MAPT: variants seen among roughly 807,000 people sequenced by gnomAD.
MAPT encodes the protein microtubule associated protein tau, also known as microtubule-associated protein tau.
In MAPT, 34 loss-of-function variants were observed where a neutral mutation model predicts 67.9. The ratio of observed to expected loss-of-function variants is 0.50; its 90% CI spans 0.38 to 0.67. The LOEUF is 0.67. Ranked by LOEUF, MAPT falls within the 30% of genes least tolerant of loss-of-function variation. The probability of loss-of-function intolerance (pLI) is 0.00; values close to 1 mark genes in which losing one functional copy is unlikely to be tolerated. For synonymous variants in MAPT, 456 were observed against 464.5 expected (o/e 0.98, Z 0.23); for missense variants, 881 against 1,115.2 (o/e 0.79, Z 2.99).
intron 1 of MAPT, among the ~76,000 whole-genome samples, chr17:45,955,721 A>G (rs1047841066): frequency 1.5e-5 from 2 of 133,676 alleles, no homozygotes; most frequent in African/African-American, 2.6e-5. Context: ...CGGCACAAAC[A>G]CTCCTTCCTT....
At chr17:45,997,133 G>T (rs1317547605) in intron 9 of MAPT, among the ~76,000 whole-genome samples, 1 of 152,188 alleles carries the variant, frequency 6.6e-6, no homozygotes, top group East Asian at 1.9e-4. Context: ...GAGATTGGGG[G>T]TTCTGTTTTG....
Position 45,971,786 on chromosome 17 carries a change from C to A in MAPT, c.134-73C>A. 9.4e-7 allele frequency: 1 copy of A among 1,066,862 alleles called. No homozygotes were observed. The highest frequency in any genetic ancestry group is 1.5e-6 in the Non-Finnish European group (1 of 683,758). The allele number at this position is 1,066,862 out of a possible 1,614,324, so 66.1% of individuals were successfully genotyped here. Reference sequence around the variant, plus strand: ...TTCAGCTCCACAGGACACTGCTCCCCAGTTCCTCCTGAGAACAAAAGGGGG... The same window carrying A: ...TTCAGCTCCACAGGACACTGCTCCCAAGTTCCTCCTGAGAACAAAAGGGGG... On this transcript the variant is annotated intron_variant, in intron 2 of 12. Transcript: ENST00000262410. This position sits in a 1 kb window ranked among gnomAD's most constrained non-coding sequence, Gnocchi z 4.3.
intron 11 of MAPT, among the ~76,000 whole-genome samples, chr17:46,017,791 A>AT (rs2076281942): frequency 6.7e-6 from 1 of 149,508 alleles, no homozygotes; most frequent in Non-Finnish European, 1.5e-5. Context: ...GCATTTTGAC[A>AT]TTCAATTTAA....
At chr17:45,982,120 A>G (rs1459054310) in intron 4 of MAPT, among the ~76,000 whole-genome samples, 2 of 151,850 alleles carry the variant, frequency 1.3e-5, no homozygotes, top group African/African-American at 4.8e-5. Flanking sequence ...TCAGGAGATC[A>G]AGACTATCCT....
At chr17:45,959,574 G>T (rs1416999146) in intron 1 of MAPT, among the ~76,000 whole-genome samples, 2 of 152,124 alleles carry the variant, frequency 1.3e-5, no homozygotes, top group Non-Finnish European at 2.9e-5. Context: ...TTGGGAGGCC[G>T]AGGCAGGCAG....
intron 1 of MAPT, among the ~76,000 whole-genome samples, chr17:45,938,068 T>G (rs1260650266): frequency 6.6e-6 from 1 of 152,238 alleles, no homozygotes. Context: ...ATTAAAGTAC[T>G]AGTCCACATT....
intron 1 of MAPT, among the ~76,000 whole-genome samples, chr17:45,954,098 G>T (rs191632402): frequency 1.9e-3 from 286 of 152,266 alleles, no homozygotes; most frequent in African/African-American, 6.6e-3. Flanking sequence ...CTTGAGCTAA[G>T]AATGATTTTC....
chr17:45,986,777 G>A (rs1039057994), intron 5 of MAPT, among the ~76,000 whole-genome samples: 4 of 152,292 alleles, frequency 2.6e-5, no homozygotes, highest in East Asian at 1.9e-4. Context: ...TTTCTGCTGC[G>A]TCCCCTCTGC....
intron 1 of MAPT, among the ~76,000 whole-genome samples, chr17:45,916,423 G>A (rs148637047): frequency 7.2e-4 from 110 of 152,268 alleles, no homozygotes; most frequent in African/African-American, 2.5e-3. Flanking sequence ...GAACTGTGAG[G>A]TGGGAGAACC....
chr17:46,020,013 C>CA (rs34260992), intron 12 of MAPT, among the ~76,000 whole-genome samples: 13 of 123,508 alleles, frequency 1.1e-4, no homozygotes, highest in Middle Eastern at 4.2e-3. Flanking sequence ...TTCCATCTCA[C>CA]AAAAAAAAAA....
At chr17:45,948,133 G>A (rs1354319373) in intron 1 of MAPT, among the ~76,000 whole-genome samples, 1 of 151,974 alleles carries the variant, frequency 6.6e-6, no homozygotes, top group African/African-American at 2.4e-5. Flanking sequence ...TGCCTCCTGA[G>A]TAGCTGGGAT....
At chr17:46,013,232 C>T (rs2075943615) in intron 10 of MAPT, among the ~76,000 whole-genome samples, 1 of 152,102 alleles carries the variant, frequency 6.6e-6, no homozygotes, top group South Asian at 2.1e-4. Flanking sequence ...CCTCAGGTGA[C>T]CCCACACAAG....
chr17:45,979,370 G>A (rs554518814), intron 4 of MAPT: 1 of 152,328 alleles, frequency 6.6e-6, no homozygotes, highest in East Asian at 1.9e-4. Context: ...GATTGCAGAA[G>A]GGCTGGAAAG....
chr17:45,936,657 T>G (rs972751715), intron 1 of MAPT, among the ~76,000 whole-genome samples: 7 of 152,148 alleles, frequency 4.6e-5, no homozygotes, highest in Admixed American at 3.9e-4. Flanking sequence ...TGATTTAAAG[T>G]GATCTTAACT....
chr17:46,010,266 G>T lies in MAPT; in HGVS notation c.1999-44G>T. 7.3e-7 allele frequency: 1 copy of T among 1,367,148 alleles called. No homozygotes were observed. Among genetic ancestry groups the T allele is most frequent in the Non-Finnish European group, 1.0e-6 (1 of 979,742 alleles). The allele number at this position is 1,367,148 out of a possible 1,614,324, so 84.7% of individuals were successfully genotyped here. ...GGCGTCCTTGCGAGCAAGCAGGCGG[G>T]TCCAGGGTGGCGTGTCACTCATCCT... On this transcript the variant is annotated intron_variant, in intron 9 of 12. Transcript: ENST00000262410. This position sits in a 1 kb window ranked among gnomAD's most constrained non-coding sequence, Gnocchi z 4.7.
chr17:46,021,462 CA>C (rs1194345847), intron 12 of MAPT, among the ~76,000 whole-genome samples: 1 of 152,208 alleles, frequency 6.6e-6, no homozygotes, highest in Non-Finnish European at 1.5e-5. Flanking sequence ...GCCCCATCCC[CA>C]CAGTCTGACT....
chr17:45,946,615 A>AAAAAAAAAATATATATATATAT, intron 1 of MAPT, among the ~76,000 whole-genome samples: 26 of 100,378 alleles, frequency 2.6e-4, no homozygotes, highest in Non-Finnish European at 4.1e-4. Context: ...AAAAAAAAAA[A>AAAAAAAAAATATATATATATAT]ATATATATAT....
At chr17:45,935,855 C>G (rs961847572) in intron 1 of MAPT, among the ~76,000 whole-genome samples, 3 of 152,194 alleles carry the variant, frequency 2.0e-5, no homozygotes, top group African/African-American at 7.2e-5. Context: ...ATCTTCTTGA[C>G]TACGTCTCCT....
At chr17:45,993,940 G>T (rs1388719850) in intron 8 of MAPT, 2 of 1,576,420 alleles carry the variant, frequency 1.3e-6, no homozygotes, top group Non-Finnish European at 1.7e-6. Flanking sequence ...AGCAAGTCCA[G>T]AGAAGACCAC....
Sources: allele counts gnomAD v4.1 joint callset (sites outside exome capture counted in the v4.1 genomes callset), GRCh38; gene constraint gnomAD v4.1.1; non-coding constraint Gnocchi (gnomAD v3.1); transcripts MANE v1.5; gene names NCBI Gene and HGNC (gene_info 2026-07-23, HGNC 2026-07-21).